Variants in WWOX observed in about 807,000 individuals in gnomAD.
WWOX encodes WW domain containing oxidoreductase, also known as WW domain-containing oxidoreductase.
A neutral mutation model predicts 46.2 loss-of-function variants in WWOX; 69 were observed. The observed-to-expected ratio is 1.49, with a 90% CI of 1.23 to 1.82. WWOX has a LOEUF of 1.82. WWOX is among the 40% of genes most tolerant of loss of function. The pLI, the probability that WWOX is intolerant of heterozygous loss-of-function variation, is 0.00. For synonymous variants in WWOX, 359 were observed against 202.6 expected (o/e 1.77, Z -6.56); for missense variants, 919 against 542.6 (o/e 1.69, Z -6.89).
chr16:78,775,827 G>A (rs984232655), intron 8 of WWOX, among the ~76,000 whole-genome samples: 1 of 152,208 alleles, frequency 6.6e-6, no homozygotes, highest in Admixed American at 6.5e-5. Context: ...GAATCTATGA[G>A]TGAATGTGAT....
At chr16:78,813,249 A>G (rs2051238685) in intron 8 of WWOX, among the ~76,000 whole-genome samples, 1 of 152,122 alleles carries the variant, frequency 6.6e-6, no homozygotes, top group East Asian at 1.9e-4. Flanking sequence ...TTAGGTCATA[A>G]GTATTTTTCA....
At chr16:78,656,215 C>G (rs1378497409) in intron 8 of WWOX, among the ~76,000 whole-genome samples, 2 of 152,018 alleles carry the variant, frequency 1.3e-5, no homozygotes, top group Non-Finnish European at 2.9e-5. Flanking sequence ...AGGATCACCT[C>G]TCTGTGCCTC....
intron 5 of WWOX, among the ~76,000 whole-genome samples, chr16:78,269,458 C>A (rs1442093479): frequency 1.3e-5 from 2 of 152,172 alleles, no homozygotes; most frequent in African/African-American, 4.8e-5. Flanking sequence ...TTTGACTGTG[C>A]TCGTGCTGCC....
intron 5 of WWOX, among the ~76,000 whole-genome samples, chr16:78,207,177 A>G (rs932638809): frequency 6.6e-6 from 1 of 152,194 alleles, no homozygotes; most frequent in Non-Finnish European, 1.5e-5. Flanking sequence ...TAAAAATATG[A>G]TGGTCTTAGT....
At chr16:78,837,696 G>A (rs903576613) in intron 8 of WWOX, among the ~76,000 whole-genome samples, 43 of 152,146 alleles carry the variant, frequency 2.8e-4, no homozygotes, top group African/African-American at 8.2e-4. Flanking sequence ...CAAAGATTGA[G>A]TGATTAGAAA....
At position 78,474,764 on chromosome 16, in the gene WWOX, C is replaced by T. The variant is rs140885550; in HGVS notation, c.1056+42012C>T. Among the ~76,000 whole-genome samples, 681 of 152,232 alleles carry T rather than the reference C, an allele frequency of 4.5e-3. 3 individuals carry two copies. The highest frequency in any genetic ancestry group is 0.016 in the African/African-American group (657 of 41,530). On this transcript the variant is annotated intron_variant, in intron 8 of 8. Transcript: ENST00000566780. Reference sequence around the variant, plus strand: ...CAACTCTTCCCCAGCCTCTGCGAACCGCTAGTCTGCTCTTCATCTCCATGC... The same window carrying T: ...CAACTCTTCCCCAGCCTCTGCGAACTGCTAGTCTGCTCTTCATCTCCATGC...
At chr16:78,499,627 T>C (rs1160886383) in intron 8 of WWOX, among the ~76,000 whole-genome samples, 1 of 152,200 alleles carries the variant, frequency 6.6e-6, no homozygotes, top group East Asian at 1.9e-4. Context: ...GCACTAGTTG[T>C]ACCATCTGGT....
At chr16:79,189,642 T>A (rs2051091934) in intron 8 of WWOX, among the ~76,000 whole-genome samples, 2 of 152,064 alleles carry the variant, frequency 1.3e-5, no homozygotes, top group South Asian at 4.2e-4. Context: ...TCTAGTAATT[T>A]CTGTTCTAAT....
At chr16:78,796,866 C>T (rs1049168208) in intron 8 of WWOX, among the ~76,000 whole-genome samples, 9 of 150,100 alleles carry the variant, frequency 6.0e-5, no homozygotes, top group Non-Finnish European at 1.0e-4. Flanking sequence ...CACTCTGTCA[C>T]CTAGGCTGGA....
At chr16:78,942,901 C>T (rs1412590181) in intron 8 of WWOX, among the ~76,000 whole-genome samples, 5 of 152,166 alleles carry the variant, frequency 3.3e-5, no homozygotes, top group African/African-American at 1.2e-4. Flanking sequence ...TGCTTCTTTG[C>T]TGACTGCCCA....
chr16:78,470,536 G>T (rs925568384), intron 8 of WWOX, among the ~76,000 whole-genome samples: 1 of 151,882 alleles, frequency 6.6e-6, no homozygotes, highest in Non-Finnish European at 1.5e-5. Context: ...ATGCATGTAT[G>T]TATGTATGTT....
intron 8 of WWOX, among the ~76,000 whole-genome samples, chr16:78,573,357 C>T (rs1031374421): frequency 1.3e-5 from 2 of 152,174 alleles, no homozygotes; most frequent in Non-Finnish European, 2.9e-5. Flanking sequence ...AAATAGGTAT[C>T]AGATACTTGG....
At chr16:78,950,863 A>C (rs1480221569) in intron 8 of WWOX, among the ~76,000 whole-genome samples, 1 of 152,124 alleles carries the variant, frequency 6.6e-6, no homozygotes, top group Non-Finnish European at 1.5e-5. Flanking sequence ...GTCTCTTCTT[A>C]TTATAGTGCA....
At chr16:78,288,029 A>AT (rs953798336) in intron 5 of WWOX, among the ~76,000 whole-genome samples, 1 of 152,054 alleles carries the variant, frequency 6.6e-6, no homozygotes, top group Non-Finnish European at 1.5e-5. Context: ...ATTCCCTAAC[A>AT]TTTTTTTCTT....
intron 6 of WWOX, among the ~76,000 whole-genome samples, chr16:78,417,042 T>G (rs367735009): frequency 6.9e-6 from 1 of 145,068 alleles, no homozygotes; most frequent in Non-Finnish European, 1.5e-5. Flanking sequence ...CCTTTGGGGG[T>G]GTGTGTGTGT....
chr16:78,765,811 C>G (rs988956402), intron 8 of WWOX, among the ~76,000 whole-genome samples: 1 of 152,186 alleles, frequency 6.6e-6, no homozygotes, highest in Non-Finnish European at 1.5e-5. Flanking sequence ...ACTCATCGCA[C>G]TATTTCTGTC....
chr16:79,100,941 G>A (rs2049179699), intron 8 of WWOX, among the ~76,000 whole-genome samples: 1 of 151,936 alleles, frequency 6.6e-6, no homozygotes, highest in African/African-American at 2.4e-5. Flanking sequence ...TAGGGGTTAG[G>A]CGTAACGTCT....
chr16:78,652,839 A>G (rs2046996760), intron 8 of WWOX, among the ~76,000 whole-genome samples: 1 of 152,204 alleles, frequency 6.6e-6, no homozygotes, highest in Non-Finnish European at 1.5e-5. Flanking sequence ...TAAGTAAATT[A>G]TATGATTGGA....
chr16:78,854,083 T>C (rs749305769), intron 8 of WWOX, among the ~76,000 whole-genome samples: 6 of 152,216 alleles, frequency 3.9e-5, no homozygotes, highest in Non-Finnish European at 8.8e-5. Context: ...TATATTTTTC[T>C]CAGCATTTAC....
Sources: gnomAD v4.1 joint callset for allele counts (sites outside exome capture counted in the v4.1 genomes callset) on GRCh38, gnomAD v4.1.1 for gene constraint, MANE v1.5 for transcripts, NCBI Gene and HGNC (gene_info 2026-07-23, HGNC 2026-07-21) for gene names.